The following NDUFA8 variants were observed in gnomAD, a reference collection of about 807,000 sequenced individuals.
The protein encoded by NDUFA8 is NADH:ubiquinone oxidoreductase subunit A8, also known as NADH dehydrogenase [ubiquinone] 1 alpha subcomplex subunit 8.
A neutral mutation model predicts 20.9 loss-of-function variants in NDUFA8; 16 were observed. The ratio of observed to expected loss-of-function variants is 0.77; its 90% confidence interval spans 0.52 to 1.16. NDUFA8 has a LOEUF of 1.16. Ranked by LOEUF, NDUFA8 falls within the 50% of genes most tolerant of loss-of-function variation. The pLI is 0.00. For synonymous variants in NDUFA8, 70 were observed against 76.1 expected (o/e 0.92, Z 0.41); for missense variants, 202 against 216.4 (o/e 0.93, Z 0.42).
In NDUFA8 at chr9:122,152,329, A is replaced by C; in HGVS notation, c.131T>G (p.Met44Arg). The C allele has an allele frequency of 6.2e-7, 1 of 1,614,176 alleles. No homozygotes were observed. Among genetic ancestry groups the C allele is most frequent in the African/African-American group, 1.3e-5 (1 of 75,030 alleles). ...ATCTTTCTCTTCCCAGCGGCAGAGCATAAACTCCTTGTTGGGCTTATCACA... is the reference window on the plus strand; with the variant it reads ...ATCTTTCTCTTCCCAGCGGCAGAGCCTAAACTCCTTGTTGGGCTTATCACA... Reference protein sequence around the residue: ...AQCDKPNKEFMLCRWEEKDPR... With the variant: ...AQCDKPNKEFRLCRWEEKDPR... Residue 44 changes from methionine (M) to arginine (R), a missense_variant, in exon 2 of 4, where the codon ATG (methionine) becomes AGG (arginine). By Grantham distance (91) the Met-to-Arg change is moderately conservative (BLOSUM62 -1). Transcript: ENST00000373768.
chr9:122,156,041 C>T (rs868293480), intron 1 of NDUFA8, among the ~76,000 whole-genome samples: 2 of 152,210 alleles, frequency 1.3e-5, no homozygotes, highest in African/African-American at 4.8e-5. Flanking sequence ...ATTGTGACCT[C>T]CAACCAGGCT....
In NDUFA8 at chr9:122,159,730, C is replaced by T; in HGVS notation, c.-53G>A. 6.2e-7 allele frequency: 1 copy of T among 1,612,706 alleles called. No individual in the cohort carries two copies. Among genetic ancestry groups the T allele is most frequent in the Non-Finnish European group, 8.5e-7 (1 of 1,179,116 alleles). On this transcript the variant is annotated 5_prime_UTR_variant, in exon 1 of 4. Coordinates refer to ENST00000373768, the MANE Select transcript of NDUFA8 (RefSeq NM_014222.3). ...AAGCCCTCAGCCGCGTCGCCCCCGT[C>T]TCCTTGAACTCCCCTTTCGACCGCC...
At chr9:122,145,045 A>G (rs1828887454) in intron 3 of NDUFA8, among the ~76,000 whole-genome samples, 2 of 152,228 alleles carry the variant, frequency 1.3e-5, no homozygotes, top group Admixed American at 1.3e-4. Context: ...CACCTAGCTA[A>G]TAGTGGAAGA....
intron 2 of NDUFA8, among the ~76,000 whole-genome samples, chr9:122,151,823 T>TA (rs755386154): frequency 6.6e-6 from 1 of 152,224 alleles, no homozygotes; most frequent in South Asian, 2.1e-4. Flanking sequence ...ATGACCTACG[T>TA]AAAACCTAAC....
At chr9:122,158,697 G>A (rs7041444) in intron 1 of NDUFA8, among the ~76,000 whole-genome samples, 107,782 of 148,842 alleles carry the variant, frequency 0.72, 39,543 homozygotes, top group African/African-American at 0.83. Flanking sequence ...TTGTGTGTGT[G>A]TATATATATA....
chr9:122,145,342 T>A (rs892511638), intron 3 of NDUFA8, among the ~76,000 whole-genome samples: 2 of 152,070 alleles, frequency 1.3e-5, no homozygotes, highest in African/African-American at 4.8e-5. Context: ...GGGAGAGAGA[T>A]AATTTACACT....
At chr9:122,140,279 A>G (rs1828800414), downstream of NDUFA8, among the ~76,000 whole-genome samples, 1 of 152,242 alleles carries the variant, frequency 6.6e-6, no homozygotes, top group African/African-American at 2.4e-5. Flanking sequence ...CACACATCAC[A>G]AATAATCAAG....
chr9:122,145,827 A>G (rs1828896555), intron 3 of NDUFA8, among the ~76,000 whole-genome samples: 1 of 152,184 alleles, frequency 6.6e-6, no homozygotes, highest in African/African-American at 2.4e-5. Flanking sequence ...GTTCCTTGGT[A>G]TTTGCAGCTC....
chr9:122,134,363 G>A, the NDUFA8 span, among the ~76,000 whole-genome samples: 3 of 152,218 alleles, frequency 2.0e-5, no homozygotes, highest in East Asian at 3.9e-4. Flanking sequence ...TGTGACCCGC[G>A]ATAATGAGAT....
chr9:122,158,683 C>A, intron 1 of NDUFA8, among the ~76,000 whole-genome samples: 1 of 147,386 alleles, frequency 6.8e-6, no homozygotes, highest in Admixed American at 6.8e-5. Context: ...ATATATATGA[C>A]CAATTGTGTG....
intron 1 of NDUFA8, among the ~76,000 whole-genome samples, chr9:122,158,787 GTATA>G (rs1173353577): frequency 7.0e-6 from 1 of 143,870 alleles, no homozygotes; most frequent in Non-Finnish European, 1.5e-5. Context: ...TTGTGTGTGT[GTATA>G]TATATGTGTA....
intron 2 of NDUFA8, among the ~76,000 whole-genome samples, chr9:122,150,850 T>C (rs1368669104): frequency 6.6e-6 from 1 of 151,348 alleles, no homozygotes; most frequent in African/African-American, 2.4e-5. Flanking sequence ...CGCAGGCCTG[T>C]AGACCCAGCT....
chr9:122,159,722 GC>G lies in NDUFA8; in HGVS notation c.-46del, dbSNP rs1564412622. 9 of 1,613,392 alleles carry G rather than the reference GC, an allele frequency of 5.6e-6. No homozygotes were observed. Among genetic ancestry groups the G allele is most frequent in the Middle Eastern group, 1.7e-4 (1 of 6,060 alleles). On this transcript the variant is annotated 5_prime_UTR_variant, in exon 1 of 4. It removes the in-frame stop codon of an upstream open reading frame in the 5' UTR. Transcript: ENST00000373768. ...CCGACGAGAAGCCCTCAGCCGCGTC[GC>G]CCCCGTCTCCTTGAACTCCCCTTTC... is the stretch of plus-strand genomic sequence containing the variant.
At chr9:122,156,326 G>A (rs1475905535) in intron 1 of NDUFA8, among the ~76,000 whole-genome samples, 3 of 152,142 alleles carry the variant, frequency 2.0e-5, no homozygotes, top group Non-Finnish European at 4.4e-5. Context: ...ACCATCTAGA[G>A]CCAATCAACC....
At chr9:122,144,024 A>C (rs1167278236), downstream of NDUFA8, 1 of 1,381,224 alleles carries the variant, frequency 7.2e-7, no homozygotes, top group Non-Finnish European at 9.4e-7. Context: ...TTTAAAGGCC[A>C]AAAGGTCACA....
rs1026424243 is a variant in NDUFA8, at chr9:122,159,562, G to T, written c.51+65C>A. 8 of 1,599,134 alleles carry T rather than the reference G, an allele frequency of 5.0e-6. No individual in the cohort carries two copies. In the African/African-American group the frequency reaches 8.1e-5, roughly 16 times the overall value. ...CCAGGATCCGCGGAGCCCAAGGGGG[G>T]CTAGGCCCAGGCCCGAGAAGCCGCA... On this transcript the variant is annotated intron_variant, in intron 1 of 3. Coordinates refer to ENST00000373768, the MANE Select transcript of NDUFA8 (RefSeq NM_014222.3).
At chr9:122,133,319 T>C in the NDUFA8 span, among the ~76,000 whole-genome samples, 1 of 152,202 alleles carries the variant, frequency 6.6e-6, no homozygotes, top group South Asian at 2.1e-4. Context: ...GTACTGTCCA[T>C]GGCACTGCTT....
At chr9:122,135,852 G>T in the NDUFA8 span, among the ~76,000 whole-genome samples, 1 of 152,230 alleles carries the variant, frequency 6.6e-6, no homozygotes, top group Non-Finnish European at 1.5e-5. Flanking sequence ...GCCTTCCGAA[G>T]TGCTGGGATT....
At chr9:122,138,870 G>GGC in the NDUFA8 span, among the ~76,000 whole-genome samples, 7 of 143,124 alleles carry the variant, frequency 4.9e-5, no homozygotes, top group Admixed American at 4.9e-4. Flanking sequence ...AGAGGTGGGG[G>GGC]GGGGGCCATC....
Sources: allele counts gnomAD v4.1 joint callset (sites outside exome capture counted in the v4.1 genomes callset), GRCh38; gene constraint gnomAD v4.1.1; transcripts MANE v1.5; gene names NCBI Gene and HGNC (gene_info 2026-07-23, HGNC 2026-07-21).